The following PAM variants were observed in gnomAD, a reference collection of about 807,000 sequenced individuals.
PAM encodes peptidyl-glycine alpha-amidating monooxygenase.
Under a neutral mutation model 122.1 loss-of-function variants are expected in PAM, and 72 were observed. That is an observed-to-expected ratio of 0.59 (90% CI 0.49 to 0.72). The LOEUF (loss-of-function observed/expected upper bound fraction) is 0.72, where lower values mean the gene tolerates loss of function less well. Among genes scored for constraint, PAM ranks in the 30% least tolerant of loss-of-function variants. PAM has a pLI of 0.00. For synonymous variants in PAM, 389 were observed against 404.4 expected (o/e 0.96, Z 0.46); for missense variants, 1,106 against 1,183.7 (o/e 0.93, Z 0.96).
chr5:102,958,061 T>G (rs1246636217), intron 12 of PAM, among the ~76,000 whole-genome samples: 1 of 152,196 alleles, frequency 6.6e-6, no homozygotes, highest in Non-Finnish European at 1.5e-5. Context: ...CAGTGATAGT[T>G]ACTTCATTGT....
chr5:102,837,486 C>T (rs952977811), intron 1 of PAM, among the ~76,000 whole-genome samples: 1 of 152,132 alleles, frequency 6.6e-6, no homozygotes, highest in Non-Finnish European at 1.5e-5. Flanking sequence ...TTTAAACTTA[C>T]ACTTCTTGCT....
intron 15 of PAM, among the ~76,000 whole-genome samples, chr5:102,988,262 A>G (rs1414009473): frequency 6.6e-6 from 1 of 151,166 alleles, no homozygotes; most frequent in Admixed American, 6.6e-5. Context: ...ATTCCACCTT[A>G]CCTTTAAGTG....
At chr5:102,907,083 A>G (rs1366875735) in intron 4 of PAM, among the ~76,000 whole-genome samples, 1 of 151,640 alleles carries the variant, frequency 6.6e-6, no homozygotes, top group Non-Finnish European at 1.5e-5. Context: ...TTGATGTTCA[A>G]TATATAGGTT....
intron 1 of PAM, among the ~76,000 whole-genome samples, chr5:102,860,274 G>A (rs373152431): frequency 1.3e-5 from 2 of 152,122 alleles, no homozygotes; most frequent in South Asian, 4.1e-4. Flanking sequence ...AGGTGAGGAG[G>A]GCATCCATGT....
chr5:103,019,837 A>G lies in PAM; in HGVS notation c.2479A>G (p.Ile827Val), dbSNP rs376556652. The G allele has an allele frequency of 3.3e-5, 53 of 1,601,326 alleles. No homozygotes were observed. The highest frequency in any genetic ancestry group is 4.3e-5 in the Non-Finnish European group (50 of 1,168,548). The change falls in exon 23 of 26, where the codon ATC becomes GTC. Residue 827 changes from isoleucine to valine, a missense_variant. Coordinates refer to ENST00000438793, the MANE Select transcript of PAM (RefSeq NM_001177306.2). ...VKKAGIEVQE[I>V]KEAEAVVETK... Reference sequence around the variant, plus strand: ...AAAGGCTGGCATTGAGGTCCAGGAAATCAAAGGTTGGTCAGATTCCTCTTA... The same window carrying G: ...AAAGGCTGGCATTGAGGTCCAGGAAGTCAAAGGTTGGTCAGATTCCTCTTA...
intron 16 of PAM, among the ~76,000 whole-genome samples, chr5:102,991,263 T>C (rs893691716): frequency 3.9e-5 from 6 of 152,174 alleles, no homozygotes; most frequent in Non-Finnish European, 5.9e-5. Flanking sequence ...ATGTTCATGA[T>C]TGTATTTTTA....
intron 16 of PAM, among the ~76,000 whole-genome samples, chr5:102,993,346 G>T (rs2150847796): frequency 6.6e-6 from 1 of 152,148 alleles, no homozygotes; most frequent in East Asian, 1.9e-4. Context: ...AACTGTTCCT[G>T]AGTTTCTGTC....
At chr5:102,770,257 A>G (rs1341777539) in intron 1 of PAM, among the ~76,000 whole-genome samples, 1 of 152,016 alleles carries the variant, frequency 6.6e-6, no homozygotes, top group Non-Finnish European at 1.5e-5. Context: ...TAGATCTATT[A>G]GTTTTTTGGT....
chr5:102,971,513 T>C (rs867242830), intron 14 of PAM, among the ~76,000 whole-genome samples: 10 of 152,066 alleles, frequency 6.6e-5, no homozygotes, highest in South Asian at 2.1e-4. Context: ...CTGAGTTGAA[T>C]TGTCAAGAAA....
At chr5:102,878,574 T>G (rs1467179148) in intron 3 of PAM, among the ~76,000 whole-genome samples, 1 of 152,154 alleles carries the variant, frequency 6.6e-6, no homozygotes, top group Non-Finnish European at 1.5e-5. Context: ...AAGGCATTGT[T>G]GTAGGAGGTG....
chr5:102,978,312 CA>C (rs1252394019), intron 15 of PAM, among the ~76,000 whole-genome samples: 1 of 152,116 alleles, frequency 6.6e-6, no homozygotes, highest in African/African-American at 2.4e-5. Context: ...ATATGACATA[CA>C]GTGTGAAAAT....
intron 6 of PAM, 128 bp from the exon 7 acceptor site, chr5:102,926,456 CT>C: frequency 1.7e-6 from 1 of 605,426 alleles, no homozygotes; most frequent in Non-Finnish European, 2.9e-6. Flanking sequence ...TGGTATATTT[CT>C]GTTTTCATAT....
chr5:102,968,563 C>A (rs1349469869), intron 14 of PAM, among the ~76,000 whole-genome samples: 1 of 152,172 alleles, frequency 6.6e-6, no homozygotes, highest in Non-Finnish European at 1.5e-5. Context: ...AATATGTTAA[C>A]TCTGTCAACA....
intron 3 of PAM, among the ~76,000 whole-genome samples, chr5:102,880,638 G>A (rs1790682387): frequency 6.6e-6 from 1 of 152,036 alleles, no homozygotes; most frequent in South Asian, 2.1e-4. Flanking sequence ...TGACTCTTTA[G>A]TAGTATCCAG....
chr5:103,007,160 GTC>G (rs941025762), intron 19 of PAM, 149 bp downstream of exon 19: 10 of 584,604 alleles, frequency 1.7e-5, no homozygotes, highest in Admixed American at 3.4e-5. Context: ...CAGTTAGCTT[GTC>G]TCTCACACAC....
intron 8 of PAM, 134 bp downstream of exon 8, chr5:102,947,019 T>C: frequency 1.4e-6 from 1 of 698,258 alleles, no homozygotes. Flanking sequence ...ATATGTATTG[T>C]CTCATTTTCC....
Position 102,863,001 on chromosome 5 carries a change from T to TAA in PAM, c.-373-2814_-373-2813dup, listed in dbSNP as rs559404140. On this transcript the variant is annotated intron_variant, in intron 1 of 25. Transcript: ENST00000438793. ...AAATGCCAGCTATCTTTTTTTTTTTTAAAAAAAAATGAAAATTAGAGGGAA... is the reference window on the plus strand; with the variant it reads ...AAATGCCAGCTATCTTTTTTTTTTTTAAAAAAAAAAATGAAAATTAGAGGGAA... 1.1e-3 allele frequency among the ~76,000 whole-genome samples: 161 copies of TAA among 146,358 alleles called. 4 individuals carry two copies. The highest frequency in any genetic ancestry group is 4.1e-3 in the African/African-American group (153 of 37,112).
intron 1 of PAM, among the ~76,000 whole-genome samples, chr5:102,798,246 T>C (rs1405461552): frequency 6.6e-6 from 1 of 152,098 alleles, no homozygotes; most frequent in Non-Finnish European, 1.5e-5. Flanking sequence ...GTGGTATGGG[T>C]GATGGGAGAC....
At chr5:102,957,412 A>G (rs1355521217) in intron 12 of PAM, among the ~76,000 whole-genome samples, 1 of 152,094 alleles carries the variant, frequency 6.6e-6, no homozygotes, top group Admixed American at 6.6e-5. Flanking sequence ...CCCACCATAC[A>G]GTCATGAGCA....
Sources: gnomAD v4.1 joint callset for allele counts (sites outside exome capture counted in the v4.1 genomes callset) on GRCh38, gnomAD v4.1.1 for gene constraint, MANE v1.5 for transcripts, NCBI Gene and HGNC (gene_info 2026-07-23, HGNC 2026-07-21) for gene names.